The following RABGEF1 variants were observed in gnomAD, a reference collection of about 807,000 sequenced individuals.
RABGEF1 encodes the protein RAB guanine nucleotide exchange factor 1, also known as rab5 GDP/GTP exchange factor.
A neutral mutation model predicts 57.3 loss-of-function variants in RABGEF1; 26 were observed. The observed-to-expected ratio is 0.45, with a 90% CI of 0.33 to 0.63. The LOEUF is 0.63. RABGEF1 is among the 20% of genes least tolerant of loss of function. The pLI is 0.02. For synonymous variants in RABGEF1, 185 were observed against 210.7 expected, an observed-to-expected ratio of 0.88 and a Z score of 1.06; for missense variants, 464 against 607.6, an observed-to-expected ratio of 0.76 and a Z score of 2.48.
chr7:66,746,697 C>A (rs1800328221), intron 1 of RABGEF1, among the ~76,000 whole-genome samples: 1 of 142,822 alleles, frequency 7.0e-6, no homozygotes, highest in Non-Finnish European at 1.5e-5. Context: ...GATCTCTACT[C>A]ACTGCAACTT....
chr7:66,696,343 TGTGAGTC>T (rs1378385097), intron 1 of RABGEF1, among the ~76,000 whole-genome samples: 1 of 151,936 alleles, frequency 6.6e-6, no homozygotes, highest in Non-Finnish European at 1.5e-5. Flanking sequence ...GGATTACAGG[TGTGAGTC>T]ATCCAGTGTG....
chr7:66,745,008 T>G (rs528149128), intron 1 of RABGEF1, among the ~76,000 whole-genome samples: 7 of 151,752 alleles, frequency 4.6e-5, no homozygotes, highest in African/African-American at 1.7e-4. Context: ...CTGGCTAACA[T>G]GGTAAAACCC....
chr7:66,666,949 C>T, the RABGEF1 span, among the ~76,000 whole-genome samples: 2 of 152,222 alleles, frequency 1.3e-5, no homozygotes, highest in Non-Finnish European at 2.9e-5. Flanking sequence ...CAGCAAGGCA[C>T]TGCAGGTGCC....
intron 1 of RABGEF1, among the ~76,000 whole-genome samples, chr7:66,742,735 T>C (rs1393571521): frequency 6.6e-6 from 1 of 152,124 alleles, no homozygotes; most frequent in Non-Finnish European, 1.5e-5. Context: ...GCCTCCCGAG[T>C]AGCTAAGACT....
intron 4 of RABGEF1, among the ~76,000 whole-genome samples, chr7:66,794,192 C>A (rs1813430288): frequency 7.4e-6 from 1 of 135,932 alleles, no homozygotes; most frequent in Non-Finnish European, 1.6e-5. Context: ...TGCTTTAGGT[C>A]TCTCTCCATG....
At chr7:66,704,189 A>G (rs1793683637) in intron 1 of RABGEF1, among the ~76,000 whole-genome samples, 2 of 152,214 alleles carry the variant, frequency 1.3e-5, no homozygotes, top group Non-Finnish European at 2.9e-5. Context: ...AGCCACCTCT[A>G]AGGTTGACAG....
intron 1 of RABGEF1, among the ~76,000 whole-genome samples, chr7:66,763,238 A>C (rs547425387): frequency 1.3e-5 from 2 of 152,058 alleles, no homozygotes; most frequent in Admixed American, 1.3e-4. Flanking sequence ...TCTGCTGAGG[A>C]CCTCAGGAGG....
At chr7:66,782,109 C>A (rs1436838631) in intron 3 of RABGEF1, among the ~76,000 whole-genome samples, 1 of 152,152 alleles carries the variant, frequency 6.6e-6, no homozygotes, top group Non-Finnish European at 1.5e-5. Flanking sequence ...GAATTTTTTT[C>A]TAATCATACC....
intron 1 of RABGEF1, among the ~76,000 whole-genome samples, chr7:66,741,098 C>T (rs1798829955): frequency 6.6e-6 from 1 of 152,182 alleles, no homozygotes; most frequent in Non-Finnish European, 1.5e-5. Context: ...GGAGCATTTC[C>T]TGGCCGCCTC....
chr7:66,663,925 T>C, the RABGEF1 span, among the ~76,000 whole-genome samples: 9 of 151,860 alleles, frequency 5.9e-5, no homozygotes, highest in African/African-American at 2.2e-4. Flanking sequence ...ACTACAAAAA[T>C]TAGCCAGGCA....
chr7:66,697,581 G>T (rs1284647370), intron 1 of RABGEF1, among the ~76,000 whole-genome samples: 1 of 152,108 alleles, frequency 6.6e-6, no homozygotes, highest in Non-Finnish European at 1.5e-5. Context: ...CATGATTCAT[G>T]CCCTTCCAGC....
the RABGEF1 span, among the ~76,000 whole-genome samples, chr7:66,670,082 C>G: frequency 6.6e-6 from 1 of 152,146 alleles, no homozygotes; most frequent in Non-Finnish European, 1.5e-5. Context: ...TAAACCGCCC[C>G]TTTCCCCAAG....
chr7:66,730,114 C>T (rs1472360696), intron 2 of RABGEF1, among the ~76,000 whole-genome samples: 1 of 152,254 alleles, frequency 6.6e-6, no homozygotes, highest in Admixed American at 6.5e-5. Flanking sequence ...CCTTTCTCAT[C>T]TCTAAGATGA....
At chr7:66,725,948 G>A (rs979246998) in intron 2 of RABGEF1, among the ~76,000 whole-genome samples, 1 of 152,024 alleles carries the variant, frequency 6.6e-6, no homozygotes, top group African/African-American at 2.4e-5. Flanking sequence ...GAGGAGAGAT[G>A]TGATCCCACT....
chr7:66,703,969 A>T (rs183174060), intron 1 of RABGEF1, among the ~76,000 whole-genome samples: 1 of 152,162 alleles, frequency 6.6e-6, no homozygotes, highest in African/African-American at 2.4e-5. Context: ...ATCTCTTTCA[A>T]CAATGTTGTG....
At chr7:66,658,405 C>A in the RABGEF1 span, among the ~76,000 whole-genome samples, 4 of 151,898 alleles carry the variant, frequency 2.6e-5, no homozygotes, top group African/African-American at 7.3e-5. Flanking sequence ...TGGTGGCAGG[C>A]GCCTGTAATC....
intron 1 of RABGEF1, among the ~76,000 whole-genome samples, chr7:66,759,710 G>A (rs1484357052): frequency 6.6e-6 from 1 of 152,116 alleles, no homozygotes; most frequent in Non-Finnish European, 1.5e-5. Flanking sequence ...TGCTATACAC[G>A]TTTAAACAAC....
At chr7:66,764,306 A>G (rs1240232981) in intron 1 of RABGEF1, among the ~76,000 whole-genome samples, 1 of 151,886 alleles carries the variant, frequency 6.6e-6, no homozygotes, top group Admixed American at 6.6e-5. Context: ...TTACCTGCTA[A>G]AAAAAATTGT....
chr7:66,763,787 C>CA (rs1203124527), intron 1 of RABGEF1, among the ~76,000 whole-genome samples: 3 of 152,182 alleles, frequency 2.0e-5, no homozygotes, highest in Non-Finnish European at 4.4e-5. Context: ...TTTCAGGGTT[C>CA]ACCATGTTGT....
Sources: allele counts gnomAD v4.1 joint callset (sites outside exome capture counted in the v4.1 genomes callset), GRCh38; gene constraint gnomAD v4.1.1; transcripts MANE v1.5; gene names NCBI Gene and HGNC (gene_info 2026-07-23, HGNC 2026-07-21).